Variants in RFC3 observed in about 807,000 individuals in gnomAD.
RFC3 encodes replication factor C subunit 3.
In RFC3, 41 loss-of-function variants were observed where a neutral mutation model predicts 45.1. That is an observed-to-expected ratio of 0.91 (90% confidence interval 0.71 to 1.18). The LOEUF (loss-of-function observed/expected upper bound fraction) is 1.18. Ranked by LOEUF, RFC3 falls within the 50% of genes most tolerant of loss-of-function variation. RFC3 has a pLI of 0.00. For missense variants in RFC3, 423 were observed against 428.1 expected (o/e 0.99, Z 0.10); for synonymous variants, 149 against 144.0 (o/e 1.03, Z -0.25).
At chr13:33,930,721 A>G (rs1329210252) in intron 8 of RFC3, among the ~76,000 whole-genome samples, 2 of 152,136 alleles carry the variant, frequency 1.3e-5, no homozygotes, top group African/African-American at 2.4e-5. Context: ...CTGACCTTCA[A>G]ACACTTTCCT....
intron 8 of RFC3, among the ~76,000 whole-genome samples, chr13:33,947,354 G>A (rs2082960729): frequency 6.6e-6 from 1 of 152,120 alleles, no homozygotes; most frequent in Non-Finnish European, 1.5e-5. Flanking sequence ...TCTCATGATT[G>A]TAAGTTTCCT....
intron 8 of RFC3, among the ~76,000 whole-genome samples, chr13:33,894,732 T>C (rs2082586205): frequency 6.6e-6 from 1 of 152,042 alleles, no homozygotes; most frequent in Non-Finnish European, 1.5e-5. Context: ...AATCTGGGGG[T>C]ATCACATTGC....
chr13:33,923,342 C>T (rs1246036187), intron 8 of RFC3, among the ~76,000 whole-genome samples: 2 of 152,074 alleles, frequency 1.3e-5, no homozygotes, highest in Non-Finnish European at 2.9e-5. Context: ...GGTCATCCAT[C>T]TGCAGCTGGG....
intron 8 of RFC3, among the ~76,000 whole-genome samples, chr13:33,931,209 C>T (rs1369816769): frequency 1.3e-5 from 2 of 152,074 alleles, no homozygotes; most frequent in Admixed American, 1.3e-4. Context: ...ACATGCTGCT[C>T]ACGATGGCAA....
At chr13:33,951,466 C>T (rs1357353719) in intron 8 of RFC3, among the ~76,000 whole-genome samples, 1 of 152,016 alleles carries the variant, frequency 6.6e-6, no homozygotes, top group East Asian at 1.9e-4. Flanking sequence ...CTCTGGACCT[C>T]ATGATCCGCT....
chr13:33,953,650 C>T (rs1396501890), intron 8 of RFC3, among the ~76,000 whole-genome samples: 1 of 152,056 alleles, frequency 6.6e-6, no homozygotes, highest in African/African-American at 2.4e-5. Context: ...CCAAAGTCAG[C>T]TAGAATTCCG....
downstream of RFC3, among the ~76,000 whole-genome samples, chr13:33,840,190 A>G (rs1233125606): frequency 2.6e-5 from 4 of 152,086 alleles, no homozygotes; most frequent in African/African-American, 9.7e-5. Context: ...CTGATTTTGA[A>G]TATTTTTCTG....
intron 8 of RFC3, among the ~76,000 whole-genome samples, chr13:33,902,880 C>T (rs1417391539): frequency 2.0e-5 from 3 of 151,482 alleles, no homozygotes; most frequent in Non-Finnish European, 4.4e-5. Context: ...TGTCTTGGGC[C>T]ACACTTAAAA....
At chr13:33,818,452 A>G (rs2081969061) in intron 1 of RFC3, among the ~76,000 whole-genome samples, 187 bp downstream of exon 1, 1 of 152,284 alleles carries the variant, frequency 6.6e-6, no homozygotes, top group South Asian at 2.1e-4. Flanking sequence ...GAAAAGCTCC[A>G]CTGAGAAGTG....
At chr13:33,881,716 C>CA (rs1310183742) in intron 8 of RFC3, among the ~76,000 whole-genome samples, 17 of 152,186 alleles carry the variant, frequency 1.1e-4, no homozygotes, top group Non-Finnish European at 2.2e-4. Context: ...TTGTACCCTC[C>CA]ATGGCTCCAG....
intron 8 of RFC3, among the ~76,000 whole-genome samples, chr13:33,855,056 C>G (rs556956918): frequency 5.5e-4 from 84 of 152,192 alleles, no homozygotes; most frequent in African/African-American, 1.9e-3. Context: ...TGAGCTTAAA[C>G]AACTCTACTT....
chr13:33,928,157 C>G (rs536062231), intron 8 of RFC3, among the ~76,000 whole-genome samples: 2 of 152,042 alleles, frequency 1.3e-5, no homozygotes, highest in African/African-American at 4.8e-5. Context: ...GTGTCAGGAT[C>G]GTGGGCTTAC....
At chr13:33,858,126 C>G (rs754619928) in intron 8 of RFC3, among the ~76,000 whole-genome samples, 1 of 152,102 alleles carries the variant, frequency 6.6e-6, no homozygotes, top group Non-Finnish European at 1.5e-5. Context: ...ATCTCGGAAG[C>G]TGAGATGTGG....
intron 1 of RFC3, 141 bp from the exon 2 acceptor site, chr13:33,820,991 A>G (rs144513715): frequency 1.7e-4 from 92 of 544,318 alleles, no homozygotes; most frequent in African/African-American, 1.5e-3. Context: ...TTACACATAT[A>G]TAAAAAATTG....
chr13:33,834,173 T>C (rs991090517), intron 7 of RFC3, among the ~76,000 whole-genome samples: 5 of 149,162 alleles, frequency 3.4e-5, no homozygotes, highest in Admixed American at 6.8e-5. Context: ...TTTCCCCCAC[T>C]TTTTTTAAGA....
At chr13:33,912,297 A>G (rs1015427627) in intron 8 of RFC3, among the ~76,000 whole-genome samples, 2 of 145,044 alleles carry the variant, frequency 1.4e-5, no homozygotes, top group South Asian at 2.1e-4. Flanking sequence ...AATGACCAAG[A>G]TGAACTGCCC....
intron 8 of RFC3, among the ~76,000 whole-genome samples, chr13:33,956,445 C>T (rs1250734533): frequency 1.3e-5 from 2 of 152,204 alleles, no homozygotes; most frequent in East Asian, 3.8e-4. Context: ...TACATCATCT[C>T]AGGAATACTG....
intron 8 of RFC3, among the ~76,000 whole-genome samples, chr13:33,934,893 C>T (rs954743481): frequency 1.3e-5 from 2 of 152,100 alleles, no homozygotes; most frequent in Non-Finnish European, 1.5e-5. Flanking sequence ...CCAGTGCTCT[C>T]ATGATGGGAA....
intron 4 of RFC3, among the ~76,000 whole-genome samples, chr13:33,828,109 C>T (rs762496693): frequency 6.6e-5 from 10 of 152,116 alleles, no homozygotes; most frequent in Admixed American, 1.3e-4. Context: ...GATCAAGCTA[C>T]TGCACTCCCG....
Sources: allele counts gnomAD v4.1 joint callset (sites outside exome capture counted in the v4.1 genomes callset), GRCh38; gene constraint gnomAD v4.1.1; transcripts MANE v1.5; gene names NCBI Gene and HGNC (gene_info 2026-07-23, HGNC 2026-07-21).